The following NAV2 variants were observed in gnomAD, a reference collection of about 807,000 sequenced individuals.
NAV2 encodes neuron navigator 2.
A neutral mutation model predicts 223.2 loss-of-function variants in NAV2; 54 were observed. The observed-to-expected ratio is 0.24, with a 90% confidence interval of 0.19 to 0.30. The LOEUF (loss-of-function observed/expected upper bound fraction) is 0.30, where lower values mean the gene tolerates loss of function less well. Among genes scored for constraint, NAV2 ranks in the 10% least tolerant of loss-of-function variants. The pLI is 1.00. For missense variants in NAV2, 2,806 were observed against 3,147.5 expected, an observed-to-expected ratio of 0.89 and a Z score of 2.60; for synonymous variants, 1,279 against 1,239.3, an observed-to-expected ratio of 1.03 and a Z score of -0.67.
chr11:19,680,900 C>T (rs965018227), intron 1 of NAV2, among the ~76,000 whole-genome samples: 1 of 152,220 alleles, frequency 6.6e-6, no homozygotes, highest in Admixed American at 6.5e-5. Context: ...GCTTCCAAAG[C>T]CCATGCTTTA....
intron 1 of NAV2, among the ~76,000 whole-genome samples, chr11:19,401,623 G>A (rs1477767967): frequency 1.3e-5 from 2 of 152,186 alleles, no homozygotes; most frequent in Non-Finnish European, 2.9e-5. Flanking sequence ...TAATCCAGAA[G>A]ATGCAGGGAA....
intron 1 of NAV2, among the ~76,000 whole-genome samples, chr11:19,370,567 C>G (rs895932856): frequency 6.6e-6 from 1 of 152,232 alleles, no homozygotes; most frequent in African/African-American, 2.4e-5. Flanking sequence ...AGAACAATTA[C>G]AACATGGAAT....
chr11:19,964,809 CTTTTT>C (rs71050695), intron 10 of NAV2, among the ~76,000 whole-genome samples: 86 of 57,532 alleles, frequency 1.5e-3, no homozygotes, highest in African/African-American at 5.1e-3. Context: ...CCTCATTCTA[CTTTTT>C]TTTTTTTTTT....
chr11:19,777,010 T>C (rs2056281661), intron 1 of NAV2, among the ~76,000 whole-genome samples: 2 of 151,612 alleles, frequency 1.3e-5, no homozygotes, highest in South Asian at 2.1e-4. Flanking sequence ...CCGGCGGCAG[T>C]GGCGAAGGGC....
rs117350720 is a variant in NAV2 at position 19,819,567 on chromosome 11, A to G, written c.268-12917A>G. Reference sequence around the variant, plus strand: ...GCACATGGGACCAGAGAACCTGCCCATAGGGACTGAGGGTTAGAGTAGCAT... The same window carrying G: ...GCACATGGGACCAGAGAACCTGCCCGTAGGGACTGAGGGTTAGAGTAGCAT... On this transcript the variant is annotated intron_variant, in intron 1 of 37. Transcript: ENST00000349880. Among the ~76,000 whole-genome samples, 74 of 152,312 alleles carry G rather than the reference A, an allele frequency of 4.9e-4. 1 individual carries two copies. The East Asian group carries it at 0.013, about 26-fold the overall frequency.
intron 30 of NAV2, among the ~76,000 whole-genome samples, chr11:20,096,511 A>G (rs930901364): frequency 2.0e-5 from 3 of 152,228 alleles, no homozygotes; most frequent in Non-Finnish European, 4.4e-5. Context: ...CCCTTATATT[A>G]TCCCATTTAA....
At chr11:19,717,594 C>T (rs1451716872) in intron 1 of NAV2, among the ~76,000 whole-genome samples, 1 of 152,234 alleles carries the variant, frequency 6.6e-6, no homozygotes, top group Non-Finnish European at 1.5e-5. Flanking sequence ...CCAGATCTGA[C>T]ATCTTCCCTT....
intron 11 of NAV2, among the ~76,000 whole-genome samples, chr11:20,035,503 A>G (rs947889448): frequency 6.6e-6 from 1 of 152,140 alleles, no homozygotes; most frequent in South Asian, 2.1e-4. Context: ...TCGGCGTTTC[A>G]TTCCAGGAGT....
intron 1 of NAV2, among the ~76,000 whole-genome samples, chr11:19,603,652 A>G (rs2046407274): frequency 6.6e-6 from 1 of 151,658 alleles, no homozygotes; most frequent in African/African-American, 2.4e-5. Context: ...AAAAAAAAGA[A>G]AAAAGAAAAG....
At chr11:19,643,524 A>G (rs1459127750) in intron 1 of NAV2, among the ~76,000 whole-genome samples, 1 of 152,094 alleles carries the variant, frequency 6.6e-6, no homozygotes, top group Non-Finnish European at 1.5e-5. Flanking sequence ...ATAGTATTCC[A>G]TGGTGTATAT....
At chr11:19,963,475 C>T (rs570345384) in intron 10 of NAV2, among the ~76,000 whole-genome samples, 1 of 152,184 alleles carries the variant, frequency 6.6e-6, no homozygotes, top group East Asian at 1.9e-4. Context: ...AGAGTGTGCA[C>T]CTTCTGAACA....
rs372370339 is a variant in NAV2 at position 20,044,282 on chromosome 11, C to A, written c.3199+10C>A. 2.5e-6 allele frequency: 4 copies of A among 1,600,440 alleles called. No individual in the cohort carries two copies. The South Asian group carries it at 4.4e-5, about 18-fold the overall frequency. The stretch of plus-strand genomic sequence containing the variant: ...AAGACCCCAGGAACTGGTAAGAGGC[C>A]GGGGCTGTCTTGGCCCTACAGTTGA... On this transcript the variant is annotated intron_variant, in intron 13 of 37. Coordinates refer to ENST00000349880, the MANE Select transcript of NAV2 (RefSeq NM_145117.5).
chr11:19,610,786 A>T (rs1268294364), intron 1 of NAV2, among the ~76,000 whole-genome samples: 2 of 151,774 alleles, frequency 1.3e-5, no homozygotes, highest in Non-Finnish European at 2.9e-5. Flanking sequence ...GGATGGACAG[A>T]TGGATGGATG....
chr11:19,539,317 A>C (rs1565030343), intron 1 of NAV2, among the ~76,000 whole-genome samples: 1 of 152,228 alleles, frequency 6.6e-6, no homozygotes, highest in South Asian at 2.1e-4. Context: ...TCCAAGAAGA[A>C]GATCTGTCCA....
Position 20,101,025 on chromosome 11 carries a change from GC to G in NAV2, c.6271del (p.His2091ThrfsTer25), listed in dbSNP as rs2061600937. 6.2e-7 allele frequency: 1 copy of G among 1,614,014 alleles called. No homozygotes were observed. The highest frequency in any genetic ancestry group is 8.5e-7 in the Non-Finnish European group (1 of 1,180,050). On this transcript the variant is annotated frameshift_variant, in exon 32 of 38. Transcript: ENST00000349880. LOFTEE classifies it high-confidence loss of function. Reference protein sequence around the residue: ...LQRYVSLLIEHRRIILSGPSG... With the variant: ...LQRYVSLLIEXRRIILSGPSG... ...AGCGCTACGTCTCCCTCCTGATAGA[GC>G]ACCGTCGGATCATTCTCTCTGGCCC... is the stretch of plus-strand genomic sequence containing the variant.
chr11:20,112,993 C>T (rs913316732), intron 36 of NAV2, among the ~76,000 whole-genome samples: 4 of 152,212 alleles, frequency 2.6e-5, no homozygotes, highest in Non-Finnish European at 5.9e-5. Context: ...CCTAGAGACA[C>T]ACTGCAGCCG....
chr11:19,712,183 C>T (rs530084175), upstream of NAV2: 3 of 152,238 alleles, frequency 2.0e-5, no homozygotes, highest in Admixed American at 6.5e-5. Flanking sequence ...GAGCCTCTCC[C>T]GGCTTCTTCA....
At chr11:20,007,610 CAGG>C (rs1341760471) in intron 11 of NAV2, among the ~76,000 whole-genome samples, 1 of 152,190 alleles carries the variant, frequency 6.6e-6, no homozygotes, top group East Asian at 1.9e-4. Context: ...CCCGGGTCAC[CAGG>C]AGAAGATAGA....
chr11:19,816,679 C>A (rs1221344905), intron 1 of NAV2, among the ~76,000 whole-genome samples: 1 of 152,206 alleles, frequency 6.6e-6, no homozygotes, highest in Non-Finnish European at 1.5e-5. Flanking sequence ...AGAATAACAT[C>A]AACACAGAAT....
Sources: gnomAD v4.1 joint callset for allele counts (sites outside exome capture counted in the v4.1 genomes callset) on GRCh38, gnomAD v4.1.1 for gene constraint, MANE v1.5 for transcripts, NCBI Gene and HGNC (gene_info 2026-07-23, HGNC 2026-07-21) for gene names.